The following ZFHX3 variants were observed in gnomAD, a reference collection of about 807,000 sequenced individuals.
The protein encoded by ZFHX3 is zinc finger homeobox protein 3.
In ZFHX3, 42 loss-of-function variants were observed where a neutral mutation model predicts 279.1. That is an observed-to-expected ratio of 0.15 (90% CI 0.12 to 0.19). The LOEUF is 0.19. Among genes scored for constraint, ZFHX3 ranks in the 10% least tolerant of loss-of-function variants. The pLI, the probability that ZFHX3 is intolerant of heterozygous loss-of-function variation, is 1.00. For synonymous variants in ZFHX3, 2,293 were observed against 1,957.8 expected (o/e 1.17, Z -4.52); for missense variants, 4,981 against 4,754.0 (o/e 1.05, Z -1.40).
chr16:72,966,328 A>T (rs1961837734), intron 1 of ZFHX3, among the ~76,000 whole-genome samples: 1 of 152,282 alleles, frequency 6.6e-6, no homozygotes, highest in Non-Finnish European at 1.5e-5. Flanking sequence ...ATGGAAAAAC[A>T]TGAAGCCCTA....
chr16:73,587,660 C>A (rs1213846666), intron 2 of ZFHX3, among the ~76,000 whole-genome samples: 1 of 152,116 alleles, frequency 6.6e-6, no homozygotes, highest in Non-Finnish European at 1.5e-5. Context: ...CCACTTTTCT[C>A]AGGATTTGGA....
At chr16:72,944,105 G>A (rs144991844) in intron 3 of ZFHX3, among the ~76,000 whole-genome samples, 26 of 152,152 alleles carry the variant, frequency 1.7e-4, no homozygotes, top group Non-Finnish European at 2.8e-4. Flanking sequence ...GCAAAATGTC[G>A]AAATCCTGTC....
chr16:73,725,012 G>A (rs1465315125), intron 1 of ZFHX3, among the ~76,000 whole-genome samples: 1 of 152,162 alleles, frequency 6.6e-6, no homozygotes, highest in African/African-American at 2.4e-5. Flanking sequence ...AATGGGATTA[G>A]AGCATCTGTA....
At chr16:72,898,062 T>C (rs2038941756) in intron 3 of ZFHX3, among the ~76,000 whole-genome samples, 1 of 152,162 alleles carries the variant, frequency 6.6e-6, no homozygotes, top group Non-Finnish European at 1.5e-5. Flanking sequence ...TTTTAATCAG[T>C]CAGATCGCGT....
chr16:73,290,791 C>G (rs1014552182), intron 4 of ZFHX3, among the ~76,000 whole-genome samples: 4 of 152,206 alleles, frequency 2.6e-5, no homozygotes, highest in Non-Finnish European at 5.9e-5. Flanking sequence ...GGCTATTTCT[C>G]AAGTTCCCAG....
chr16:73,883,843 A>G (rs62041531), intron 1 of ZFHX3, among the ~76,000 whole-genome samples: 25,946 of 152,138 alleles, frequency 0.17, 2,752 homozygotes, highest in Middle Eastern at 0.3. Context: ...CAAGGTCTCC[A>G]TAAGTGAGTA....
chr16:72,794,884 A>G lies in ZFHX3; in HGVS notation c.7798T>C (p.Ser2600Pro). The change falls in exon 9 of 10, where the codon TCA becomes CCA. Residue 2600 changes from serine (S) to proline (P), a missense_variant. By Grantham distance (74) the Ser-to-Pro change is moderately conservative. Transcript: ENST00000268489. This position sits in a 1 kb window ranked among gnomAD's most constrained non-coding sequence, Gnocchi z 4.2. ...SGAIPQIPAS[S>P]ATSPSTPTST... is the part of the protein sequence containing the mutation. ...GTTGGAGTTGAAGGAGAAGTGGCTG[A>G]GCTTGCTGGAATCTGAGGTATGGCC... 1 of 1,614,000 alleles carries G rather than the reference A, an allele frequency of 6.2e-7. No homozygotes were observed. Among genetic ancestry groups the G allele is most frequent in the Non-Finnish European group, 8.5e-7 (1 of 1,180,012 alleles).
chr16:73,192,854 G>T (rs926966638), intron 5 of ZFHX3, among the ~76,000 whole-genome samples: 1 of 152,084 alleles, frequency 6.6e-6, no homozygotes, highest in Non-Finnish European at 1.5e-5. Flanking sequence ...CTCCTTGGGC[G>T]ATCGACTGGC....
rs1386303927 is a variant in ZFHX3 at position 73,682,947 on chromosome 16, AAAG to A, written c.-1607-2710_-1607-2708del. 1.7e-3 allele frequency among the ~76,000 whole-genome samples: 38 copies of A among 22,488 alleles called. 1 individual carries two copies. Among genetic ancestry groups the A allele is most frequent in the East Asian group, 0.015 (2 of 132 alleles). 14.8% of individuals were successfully genotyped at this position (22,488 alleles called of 152,430 possible). A position where few individuals can be genotyped will look rare whatever the true frequency, so the allele number is the denominator to read the frequency against. Reference sequence around the variant, plus strand: ...AAGAGAAAGAAAGAAAGAAAGAAAGAAAGAAAGAAAGAAAGAAAGAAAGAAAGA... The same window carrying A: ...AAGAGAAAGAAAGAAAGAAAGAAAGAAAAGAAAGAAAGAAAGAAAGAAAGA... On this transcript the variant is annotated intron_variant, in intron 1 of 17. Transcript: ENST00000641206.
At chr16:73,361,662 C>A (rs897455586) in intron 3 of ZFHX3, among the ~76,000 whole-genome samples, 5 of 152,204 alleles carry the variant, frequency 3.3e-5, no homozygotes, top group African/African-American at 1.2e-4. Flanking sequence ...TCCTTCCCCC[C>A]ACTGTAAAAG....
chr16:72,819,957 T>C (rs1290459963), intron 5 of ZFHX3, among the ~76,000 whole-genome samples: 1 of 152,240 alleles, frequency 6.6e-6, no homozygotes, highest in African/African-American at 2.4e-5. Context: ...GGCAAATACC[T>C]GTGGGCTCCT....
chr16:73,390,175 T>C (rs927067522), intron 3 of ZFHX3, among the ~76,000 whole-genome samples: 18 of 152,130 alleles, frequency 1.2e-4, no homozygotes, highest in Admixed American at 9.2e-4. Context: ...CTCTACCTGT[T>C]CCTCAGGTGG....
At chr16:73,275,662 G>C (rs535825793) in intron 4 of ZFHX3, among the ~76,000 whole-genome samples, 1 of 152,064 alleles carries the variant, frequency 6.6e-6, no homozygotes, top group Admixed American at 6.5e-5. Context: ...TTATACTGTC[G>C]TCTATTGAGT....
intron 1 of ZFHX3, among the ~76,000 whole-genome samples, chr16:72,971,735 G>A (rs1243108452): frequency 2.0e-5 from 3 of 151,770 alleles, no homozygotes; most frequent in African/African-American, 7.3e-5. Flanking sequence ...ATCAACAGTG[G>A]GTATTTACTT....
At chr16:72,835,400 A>G (rs2037166099) in intron 4 of ZFHX3, among the ~76,000 whole-genome samples, 1 of 152,214 alleles carries the variant, frequency 6.6e-6, no homozygotes, top group African/African-American at 2.4e-5. Flanking sequence ...TTCATTCGGC[A>G]TTAAAAAAAA....
chr16:73,833,595 G>T (rs989452539), intron 1 of ZFHX3, among the ~76,000 whole-genome samples: 5 of 151,672 alleles, frequency 3.3e-5, no homozygotes, highest in African/African-American at 4.8e-5. Flanking sequence ...CACACACCAG[G>T]GCCTGTCGGG....
At chr16:73,493,808 T>A (rs942457865) in intron 2 of ZFHX3, among the ~76,000 whole-genome samples, 1 of 151,448 alleles carries the variant, frequency 6.6e-6, no homozygotes, top group African/African-American at 2.5e-5. Flanking sequence ...GACCCTTGGC[T>A]AGCCAAGGCT....
intron 8 of ZFHX3, among the ~76,000 whole-genome samples, chr16:73,086,085 C>G (rs557327193): frequency 2.0e-5 from 3 of 148,772 alleles, no homozygotes; most frequent in East Asian, 2.0e-4. Flanking sequence ...AAATGGCCAA[C>G]AAGTATATTT....
rs1327663820 is a variant in ZFHX3 at position 73,481,424 on chromosome 16, T to C, written c.-1546-25166A>G. ...CCTCTCTTCTCCCCTTACCAAATTTTAGTATTACTTTTTAATTAATTAAAT... is the reference window on the plus strand; with the variant it reads ...CCTCTCTTCTCCCCTTACCAAATTTCAGTATTACTTTTTAATTAATTAAAT... On this transcript the variant is annotated intron_variant, in intron 2 of 17. Coordinates refer to the ZFHX3 transcript ENST00000641206. Among the ~76,000 whole-genome samples, 3 of 152,134 alleles carry C rather than the reference T, an allele frequency of 2.0e-5. No homozygotes were observed. In the East Asian group the frequency reaches 5.8e-4, roughly 29 times the overall value.
Sources: gnomAD v4.1 joint callset for allele counts (sites outside exome capture counted in the v4.1 genomes callset) on GRCh38, gnomAD v4.1.1 for gene constraint, Gnocchi (gnomAD v3.1) non-coding constraint, MANE v1.5 for transcripts, NCBI Gene and HGNC (gene_info 2026-07-23, HGNC 2026-07-21) for gene names.